Variants in WDFY3 observed in about 807,000 individuals in gnomAD.
WDFY3 encodes the protein WD repeat and FYVE domain-containing protein 3.
A neutral mutation model predicts 409.6 loss-of-function variants in WDFY3; 66 were observed. The observed-to-expected ratio is 0.16, with a 90% CI of 0.13 to 0.20. WDFY3 has a LOEUF of 0.20. Ranked by LOEUF, WDFY3 falls within the 10% of genes least tolerant of loss-of-function variation. WDFY3 has a pLI of 1.00. For synonymous variants in WDFY3, 1,521 were observed against 1,537.1 expected, an observed-to-expected ratio of 0.99 and a Z score of 0.25; for missense variants, 3,031 against 4,298.1, an observed-to-expected ratio of 0.71 and a Z score of 8.24.
chr4:84,772,806 A>G, intron 30 of WDFY3, 29 bp downstream of exon 30: 2 of 1,578,222 alleles, frequency 1.3e-6, no homozygotes, highest in Non-Finnish European at 1.7e-6. Flanking sequence ...GTTGACCACT[A>G]TCTTCTCCAA....
chr4:84,811,720 CA>C (rs1752521645), intron 13 of WDFY3, among the ~76,000 whole-genome samples: 1 of 151,928 alleles, frequency 6.6e-6, no homozygotes, highest in East Asian at 1.9e-4. Context: ...TTGAAAAAGT[CA>C]TTTTTTTTTA....
chr4:84,863,325 A>G (rs111322647), intron 3 of WDFY3, among the ~76,000 whole-genome samples: 554 of 152,324 alleles, frequency 3.6e-3, no homozygotes, highest in Non-Finnish European at 6.1e-3. Flanking sequence ...GGCTATACCA[A>G]TTGATATTCC....
intron 5 of WDFY3, among the ~76,000 whole-genome samples, chr4:84,843,091 T>C (rs1277975858): frequency 6.6e-6 from 1 of 152,196 alleles, no homozygotes; most frequent in South Asian, 2.1e-4. Context: ...ATTTAACCTT[T>C]ACAAGAACCC....
chr4:84,816,028 T>A (rs375374240), intron 13 of WDFY3, among the ~76,000 whole-genome samples: 1 of 152,132 alleles, frequency 6.6e-6, no homozygotes, highest in East Asian at 1.9e-4. Context: ...TTTGTTTGAT[T>A]GTACTTACTT....
chr4:84,803,539 C>T, intron 15 of WDFY3, 72 bp from the exon 16 acceptor site: 7 of 1,467,146 alleles, frequency 4.8e-6, no homozygotes, highest in Non-Finnish European at 6.4e-6. Flanking sequence ...TTACTTTCAT[C>T]CACTGATAAC....
At chr4:84,958,735 C>T (rs114104375) in intron 1 of WDFY3, among the ~76,000 whole-genome samples, 135 of 152,340 alleles carry the variant, frequency 8.9e-4, no homozygotes, top group African/African-American at 3.1e-3. Context: ...ATGACACCTC[C>T]ATCACCTTGA....
Position 84,713,138 on chromosome 4 carries a change from T to G in WDFY3, c.8042+21A>C, listed in dbSNP as rs1200044676. The G allele has an allele frequency of 3.7e-6, 6 of 1,610,856 alleles. No homozygotes were observed. The East Asian group carries it at 1.3e-4, about 36-fold the overall frequency. ...CCAACTTCACTATTAAACTGTAACA[T>G]GCAAGGAACAAACCACCTACCCCTG... is the stretch of plus-strand genomic sequence containing the variant. On this transcript the variant is annotated intron_variant, in intron 51 of 67. Transcript: ENST00000295888.
chr4:84,702,149 A>G (rs1731159162), intron 56 of WDFY3, among the ~76,000 whole-genome samples: 1 of 152,202 alleles, frequency 6.6e-6, no homozygotes, highest in Admixed American at 6.5e-5. Context: ...CTGGGATTAC[A>G]GGTGCCCACC....
chr4:84,785,858 A>G, intron 24 of WDFY3, 121 bp downstream of exon 24: 1 of 1,255,962 alleles, frequency 8.0e-7, no homozygotes, highest in Non-Finnish European at 1.1e-6. Flanking sequence ...CCAAACATAA[A>G]CAATACATGA....
intron 53 of WDFY3, among the ~76,000 whole-genome samples, chr4:84,705,759 A>G (rs1731826166): frequency 6.6e-6 from 1 of 152,200 alleles, no homozygotes; most frequent in African/African-American, 2.4e-5. Flanking sequence ...TATATGTTTC[A>G]CAGAGGAAGC....
At chr4:84,893,627 C>T (rs1765217899) in intron 3 of WDFY3, among the ~76,000 whole-genome samples, 1 of 152,158 alleles carries the variant, frequency 6.6e-6, no homozygotes, top group Non-Finnish European at 1.5e-5. Flanking sequence ...ATTTCAATAT[C>T]TAGATTTTCC....
chr4:84,725,827 T>A (rs989850465), intron 45 of WDFY3, among the ~76,000 whole-genome samples: 2 of 152,110 alleles, frequency 1.3e-5, no homozygotes, highest in Admixed American at 6.6e-5. Flanking sequence ...ACATGTAGAA[T>A]GAGATACTGA....
intron 1 of WDFY3, among the ~76,000 whole-genome samples, chr4:84,958,951 C>T (rs1365075346): frequency 6.6e-6 from 1 of 152,078 alleles, no homozygotes; most frequent in African/African-American, 2.4e-5. Flanking sequence ...ACTTTAGCAC[C>T]CCAATGATTG....
intron 1 of WDFY3, among the ~76,000 whole-genome samples, chr4:84,953,505 T>A (rs1249099332): frequency 6.6e-6 from 1 of 152,108 alleles, no homozygotes; most frequent in Non-Finnish European, 1.5e-5. Flanking sequence ...ATTTTACTAC[T>A]TATGTTATCT....
chr4:84,687,418 C>G (rs1361697954), intron 62 of WDFY3, among the ~76,000 whole-genome samples: 3 of 152,160 alleles, frequency 2.0e-5, no homozygotes, highest in African/African-American at 7.2e-5. Flanking sequence ...GCTGGGATTA[C>G]AGGCATGAGC....
chr4:84,928,972 T>C (rs1770378794), intron 2 of WDFY3, among the ~76,000 whole-genome samples: 1 of 152,164 alleles, frequency 6.6e-6, no homozygotes, highest in Non-Finnish European at 1.5e-5. Flanking sequence ...TCCCCTCTCC[T>C]TGAATGTGGG....
At chr4:84,749,804 C>T (rs931334448) in intron 36 of WDFY3, among the ~76,000 whole-genome samples, 5 of 152,172 alleles carry the variant, frequency 3.3e-5, no homozygotes, top group Admixed American at 3.3e-4. Flanking sequence ...TTTCCCTGAA[C>T]TGTACTCCTA....
intron 3 of WDFY3, among the ~76,000 whole-genome samples, chr4:84,872,142 A>G (rs1762208908): frequency 6.6e-6 from 1 of 152,134 alleles, no homozygotes; most frequent in Non-Finnish European, 1.5e-5. Context: ...GATAAGCAAA[A>G]GGTGAATGCT....
At position 84,794,718 on chromosome 4, in the gene WDFY3, A is replaced by C. The variant is rs752684180; in HGVS notation, c.3288T>G (p.Pro1096=). The C allele has an allele frequency of 1.9e-6, 3 of 1,613,352 alleles. No homozygotes were observed. The highest frequency in any genetic ancestry group is 1.1e-5 in the South Asian group (1 of 90,832). ...AGCTAGAGTAACTTAAGCCGGAGGG[A>C]GGAGGGAAGAATCTTTCACCTACAG... ...GIGSGERFFP[P]PSGLSYSSWF... The change falls in exon 21 of 68, where the codon CCT becomes CCG. Residue 1096 remains proline (P), a synonymous_variant. Transcript: ENST00000295888.
Sources: gnomAD v4.1 joint callset for allele counts (sites outside exome capture counted in the v4.1 genomes callset) on GRCh38, gnomAD v4.1.1 for gene constraint, MANE v1.5 for transcripts, NCBI Gene and HGNC (gene_info 2026-07-23, HGNC 2026-07-21) for gene names.